KLHL2: variants seen among roughly 807,000 people sequenced by gnomAD.
The protein encoded by KLHL2 is kelch like family member 2.
Under a neutral mutation model 75.8 loss-of-function variants are expected in KLHL2, and 15 were observed. The ratio of observed to expected loss-of-function variants is 0.20; its 90% CI spans 0.13 to 0.30. The LOEUF (loss-of-function observed/expected upper bound fraction) is 0.30, where lower values mean the gene tolerates loss of function less well. Among genes scored for constraint, KLHL2 ranks in the 10% least tolerant of loss-of-function variants. The probability of loss-of-function intolerance (pLI) is 1.00; values close to 1 mark genes in which losing one functional copy is unlikely to be tolerated. For synonymous variants in KLHL2, 214 were observed against 251.9 expected (o/e 0.85, Z 1.42); for missense variants, 381 against 741.0 (o/e 0.51, Z 5.64).
intron 1 of KLHL2, among the ~76,000 whole-genome samples, chr4:165,215,714 AAT>A (rs1225563477): frequency 6.6e-6 from 1 of 151,708 alleles, no homozygotes; most frequent in African/African-American, 2.4e-5. Flanking sequence ...CATTCACATG[AAT>A]GGTTGCATTT....
chr4:165,313,334 T>C lies in KLHL2; in HGVS notation c.1436T>C (p.Ile479Thr), dbSNP rs779583952. Residue 479 changes from isoleucine to threonine, a missense_variant, in exon 12 of 15, where the codon ATA (isoleucine) becomes ACA (threonine). By Grantham distance (89) the Ile-to-Thr change is moderately conservative. Around this residue, in one of 5 missense-constraint regions of KLHL2, gnomAD observed 168 missense variants for 370.4 expected, o/e 0.45. Transcript: ENST00000226725. ...GCTACAACAAATGAGTGGACCTATA[T>C]AGCAGAAATGAGCACCAGGCGGAGT... ...YNATTNEWTY[I>T]AEMSTRRSGA... is the part of the protein sequence containing the mutation. 2 of 1,557,000 alleles carry C rather than the reference T, an allele frequency of 1.3e-6. No individual in the cohort carries two copies. The highest frequency in any genetic ancestry group is 1.4e-5 in the African/African-American group (1 of 71,070).
At chr4:165,266,635 T>C (rs545441395) in intron 5 of KLHL2, among the ~76,000 whole-genome samples, 26 of 152,170 alleles carry the variant, frequency 1.7e-4, no homozygotes, top group African/African-American at 6.3e-4. Flanking sequence ...GTTTTAGAGG[T>C]GTGGTGTTAT....
At chr4:165,311,214 A>T (rs1746162004) in intron 10 of KLHL2, among the ~76,000 whole-genome samples, 1 of 152,176 alleles carries the variant, frequency 6.6e-6, no homozygotes. Flanking sequence ...AGTGGTGAGT[A>T]TATAAATTTT....
chr4:165,255,196 A>G (rs1741065204), intron 4 of KLHL2, among the ~76,000 whole-genome samples: 1 of 152,096 alleles, frequency 6.6e-6, no homozygotes, highest in Non-Finnish European at 1.5e-5. Flanking sequence ...TTTGCCCCCA[A>G]ATTTCTCCTC....
chr4:165,267,761 G>A (rs1311421234), intron 5 of KLHL2, among the ~76,000 whole-genome samples: 1 of 152,150 alleles, frequency 6.6e-6, no homozygotes, highest in African/African-American at 2.4e-5. Flanking sequence ...AGGGATATTG[G>A]CCTAAAATTC....
chr4:165,270,587 G>A (rs1742608679), intron 5 of KLHL2, among the ~76,000 whole-genome samples: 1 of 152,178 alleles, frequency 6.6e-6, no homozygotes, highest in South Asian at 2.1e-4. Context: ...CTCAGCTGCA[G>A]GTCTGTTGGA....
chr4:165,298,499 C>T (rs1022911325), intron 7 of KLHL2, among the ~76,000 whole-genome samples: 6 of 151,872 alleles, frequency 4.0e-5, no homozygotes, highest in South Asian at 2.1e-4. Flanking sequence ...ATTAGAATCC[C>T]GCTAGGAACA....
chr4:165,290,196 A>G (rs1744403025), intron 5 of KLHL2, among the ~76,000 whole-genome samples: 1 of 151,838 alleles, frequency 6.6e-6, no homozygotes, highest in Non-Finnish European at 1.5e-5. Context: ...AGGCAGGAGT[A>G]TAGTGGCACG....
chr4:165,247,792 T>C (rs193143007), intron 4 of KLHL2, among the ~76,000 whole-genome samples: 251 of 152,306 alleles, frequency 1.6e-3, no homozygotes, highest in Non-Finnish European at 2.9e-3. Context: ...ACATGATAAA[T>C]CATTGTCTTG....
rs80341433 is a variant in KLHL2 at position 165,228,847 on chromosome 4, A to G, written c.193A>G (p.Met65Val). ...CGATGTCACAATTGTGGCAGAAGAC[A>G]TGGAAATTTCTGCTCATAGAGTGGT... ...LCDVTIVAEDMEISAHRVVLA... is the reference protein window; with the variant it reads ...LCDVTIVAEDVEISAHRVVLA... The change falls in exon 3 of 15, where the codon ATG becomes GTG. Residue 65 changes from methionine (M) to valine (V), a missense_variant. Coordinates refer to ENST00000226725, the MANE Select transcript of KLHL2 (RefSeq NM_007246.4). The G allele has an allele frequency of 1.1e-3, 1,747 of 1,613,214 alleles. 14 individuals carry two copies. The African/African-American group carries it at 0.02, about 19-fold the overall frequency.
chr4:165,250,054 G>A (rs1740574293), intron 4 of KLHL2, among the ~76,000 whole-genome samples: 2 of 151,918 alleles, frequency 1.3e-5, no homozygotes, highest in African/African-American at 4.8e-5. Flanking sequence ...AACCCAGGAG[G>A]CGGAGCTTGC....
At position 165,305,742 on chromosome 4, in the gene KLHL2, A is replaced by G; in HGVS notation, c.1039+17A>G. The G allele has an allele frequency of 6.6e-7, 1 of 1,524,752 alleles. No homozygotes were observed. The highest frequency in any genetic ancestry group is 9.1e-7 in the Non-Finnish European group (1 of 1,098,280). The allele number at this position is 1,524,752 out of a possible 1,614,324, so 94.5% of individuals were successfully genotyped here. ...GCAGGGCAGGTAAGCATGATGCATC[A>G]TGGTCAATTCTCTACTCCTGGGTCA... On this transcript the variant is annotated intron_variant, in intron 9 of 14. Coordinates refer to ENST00000226725, the MANE Select transcript of KLHL2 (RefSeq NM_007246.4).
intron 5 of KLHL2, among the ~76,000 whole-genome samples, chr4:165,292,072 A>AT (rs1019632022): frequency 6.6e-6 from 1 of 151,544 alleles, no homozygotes; most frequent in South Asian, 2.1e-4. Context: ...TTTTTATTGT[A>AT]TTTTTTTCGC....
intron 5 of KLHL2, chr4:165,279,355 G>A (rs761226239): frequency 4.4e-6 from 7 of 1,581,046 alleles, no homozygotes; most frequent in East Asian, 2.2e-5. Context: ...CCCAGACTAC[G>A]GTGGTTTCCC....
chr4:165,272,264 G>A (rs1169836734), intron 5 of KLHL2, among the ~76,000 whole-genome samples: 1 of 152,204 alleles, frequency 6.6e-6, no homozygotes, highest in Non-Finnish European at 1.5e-5. Context: ...GGGAATGCCT[G>A]TAGTGTGTAG....
At chr4:165,230,218 G>A (rs1418119989) in intron 3 of KLHL2, among the ~76,000 whole-genome samples, 1 of 152,218 alleles carries the variant, frequency 6.6e-6, no homozygotes, top group Non-Finnish European at 1.5e-5. Flanking sequence ...GATCTGGAAT[G>A]TGTTGGGCTA....
chr4:165,217,295 C>G lies in KLHL2; in HGVS notation c.27-2639C>G, dbSNP rs964793619. ...ATATATCTACGCATTTTCCCCTTTC[C>G]CTGGTTTCTTACTGTTTCCTTTACA... On this transcript the variant is annotated intron_variant, in intron 1 of 14. Coordinates refer to ENST00000226725, the MANE Select transcript of KLHL2 (RefSeq NM_007246.4). 6.6e-5 allele frequency among the ~76,000 whole-genome samples: 10 copies of G among 152,262 alleles called. No individual in the cohort carries two copies. In the East Asian group the frequency reaches 1.9e-3, roughly 29 times the overall value.
intron 3 of KLHL2, among the ~76,000 whole-genome samples, chr4:165,236,883 T>C (rs1049139120): frequency 1.3e-4 from 20 of 151,862 alleles, no homozygotes; most frequent in African/African-American, 4.1e-4. Context: ...ATGCATCTTA[T>C]AGCAATACCT....
intron 13 of KLHL2, among the ~76,000 whole-genome samples, chr4:165,314,496 C>T (rs559222159): frequency 6.6e-6 from 1 of 152,248 alleles, no homozygotes; most frequent in East Asian, 1.9e-4. Flanking sequence ...ATTCTTACAA[C>T]AGATATAATT....
Sources: gnomAD v4.1 joint callset for allele counts (sites outside exome capture counted in the v4.1 genomes callset) on GRCh38, gnomAD v4.1.1 for gene constraint, gnomAD v4.1.1 regional missense constraint, MANE v1.5 for transcripts, NCBI Gene and HGNC (gene_info 2026-07-23, HGNC 2026-07-21) for gene names.